ATG2A: variants seen among roughly 807,000 people sequenced by gnomAD.
The protein encoded by ATG2A is autophagy-related protein 2 homolog A.
In ATG2A, 103 loss-of-function variants were observed where a neutral mutation model predicts 214.2. That is an observed-to-expected ratio of 0.48 (90% CI 0.41 to 0.57). ATG2A has a LOEUF of 0.57. Ranked by LOEUF, ATG2A falls within the 20% of genes least tolerant of loss-of-function variation. The pLI is 0.00. For missense variants in ATG2A, 2,312 were observed against 2,613.2 expected (o/e 0.88, Z 2.51); for synonymous variants, 1,160 against 1,142.1 (o/e 1.02, Z -0.32).
chr11:64,904,816 T>TTATTTTATCTATCTATCTATCTATC (rs774560438), intron 24 of ATG2A, among the ~76,000 whole-genome samples: 4 of 145,162 alleles, frequency 2.8e-5, no homozygotes, highest in South Asian at 2.1e-4. Context: ...TCTATATTTT[T>TTATTTTATCTATCTATCTATCTATC]TATCTATCTA....
Position 64,898,647 on chromosome 11 carries a change from G to T in ATG2A, c.4660C>A (p.His1554Asn), listed in dbSNP as rs1944243131. Residue 1554 changes from histidine to asparagine, a missense_variant, in exon 32 of 41, where the codon CAC becomes AAC. Coordinates refer to ENST00000377264, the MANE Select transcript of ATG2A (RefSeq NM_015104.3). The surrounding 1 kb of genome is among the most constrained non-coding windows in gnomAD (Gnocchi z 4.5). ...CAGGTCGCTCATACCATGTTAGAGTGGGCACGTCGCGGCATCCGCTCACTC... is the reference window on the plus strand; with the variant it reads ...CAGGTCGCTCATACCATGTTAGAGTTGGCACGTCGCGGCATCCGCTCACTC... ...HTSERMPRRA[H>N]SNMLTIKALH... 1.2e-6 allele frequency: 2 copies of T among 1,613,974 alleles called. No homozygotes were observed. Among genetic ancestry groups the T allele is most frequent in the Non-Finnish European group, 1.7e-6 (2 of 1,179,904 alleles).
chr11:64,916,879 C>A (rs1945009206), intron 1 of ATG2A, 86 bp downstream of exon 1: 3 of 1,551,640 alleles, frequency 1.9e-6, no homozygotes, highest in African/African-American at 1.4e-5. Flanking sequence ...GGTGCCTGAT[C>A]CCCCAGCCCG....
At chr11:64,912,289 CCCA>C in intron 7 of ATG2A, 35 bp downstream of exon 7, 3 of 1,045,364 alleles carry the variant, frequency 2.9e-6, no homozygotes, top group Non-Finnish European at 4.3e-6. Flanking sequence ...GGCTGGCCCT[CCCA>C]GCCACCCCAC....
At chr11:64,902,465 G>A (rs1944387280) in intron 27 of ATG2A, 51 bp downstream of exon 27, 1 of 1,531,176 alleles carries the variant, frequency 6.5e-7, no homozygotes, top group African/African-American at 1.4e-5. Context: ...CATGGCAGGG[G>A]AGGGGCCTGG....
At position 64,906,429 on chromosome 11, in the gene ATG2A, C is replaced by T. The variant is rs747266856; in HGVS notation, c.3088G>A (p.Glu1030Lys). The T allele has an allele frequency of 1.8e-5, 29 of 1,613,114 alleles. No homozygotes were observed. The highest frequency in any genetic ancestry group is 1.3e-4 in the South Asian group (12 of 91,084). Residue 1030 changes from glutamate (E) to lysine (K), a missense_variant, in exon 21 of 41, where the codon GAG becomes AAG. Glu to Lys is a moderately conservative substitution (Grantham distance 56). Coordinates refer to ENST00000377264, the MANE Select transcript of ATG2A (RefSeq NM_015104.3). The stretch of plus-strand genomic sequence containing the variant: ...CCCTTGCGGCCCGAGGCTCCCCGCT[C>T]GGTCACCCCTTCCTCCGATGGGTAG... ...TIYPSEEGVT[E>K]RGASGRKGQG...
In ATG2A at chr11:64,904,563, A is replaced by G. The variant is rs556050218; in HGVS notation, c.3465-903T>C. ...TGTCTCAAAAAAAAAAAATAAATAA[A>G]AAAGTCTTTATTTTAAGGGTAACAT... On this transcript the variant is annotated intron_variant, in intron 24 of 40. Coordinates refer to ENST00000377264, the MANE Select transcript of ATG2A (RefSeq NM_015104.3). Among the ~76,000 whole-genome samples the G allele has an allele frequency of 1.5e-4, 23 of 152,208 alleles. 1 individual carries two copies. In the South Asian group the frequency reaches 4.8e-3, roughly 32 times the overall value.
At chr11:64,905,526 G>A (rs778228538) in intron 24 of ATG2A, 37 bp downstream of exon 24, 20 of 1,583,338 alleles carry the variant, frequency 1.3e-5, no homozygotes, top group South Asian at 3.4e-5. Context: ...TCGGCCCGGC[G>A]AGGGTGGGAT....
At chr11:64,910,317 T>C (rs1944720655) in intron 12 of ATG2A, 122 bp from the exon 13 acceptor site, 9 of 1,384,556 alleles carry the variant, frequency 6.5e-6, no homozygotes, top group Non-Finnish European at 6.7e-6. Flanking sequence ...TAAGAAGGCC[T>C]GCCCCACCTT....
At position 64,906,399 on chromosome 11, in the gene ATG2A, C is replaced by G; in HGVS notation, c.3118G>C (p.Gly1040Arg). 1.2e-6 allele frequency: 2 copies of G among 1,613,322 alleles called. No individual in the cohort carries two copies. The highest frequency in any genetic ancestry group is 1.7e-6 in the Non-Finnish European group (2 of 1,179,992). ...GTGGACAACATGTGGGGTCCCCGGCCCTGGCCCTTGCGGCCCGAGGCTCCC... is the reference window on the plus strand; with the variant it reads ...GTGGACAACATGTGGGGTCCCCGGCGCTGGCCCTTGCGGCCCGAGGCTCCC... ...ERGASGRKGQ[G>R]RGPHMLSTAV... The change falls in exon 21 of 41, where the codon GGC becomes CGC. Residue 1040 changes from glycine (G) to arginine (R), a missense_variant. Physicochemically the swap from Gly to Arg is moderately radical, Grantham distance 125. Transcript: ENST00000377264.
At chr11:64,915,339 T>TA (rs1158184028) in intron 1 of ATG2A, among the ~76,000 whole-genome samples, 3 of 151,726 alleles carry the variant, frequency 2.0e-5, no homozygotes, top group East Asian at 3.9e-4. Context: ...GATCCAAGAA[T>TA]AAAAAAGCAC....
In ATG2A at chr11:64,913,982, C is replaced by A; in HGVS notation, c.488-59G>T. On this transcript the variant is annotated intron_variant, in intron 3 of 40. Transcript: ENST00000377264. This position sits in a 1 kb window ranked among gnomAD's most constrained non-coding sequence, Gnocchi z 4.3. ...GAGCAGCAAAGGGGAGGCAGAATTT[C>A]CCATCTGGGCACCAGGGTGGCCGTG... 6.3e-7 allele frequency: 1 copy of A among 1,588,458 alleles called. No individual in the cohort carries two copies. Among genetic ancestry groups the A allele is most frequent in the East Asian group, 2.3e-5 (1 of 42,958 alleles).
intron 1 of ATG2A, among the ~76,000 whole-genome samples, chr11:64,916,624 T>A (rs1944996228): frequency 6.6e-6 from 1 of 152,056 alleles, no homozygotes; most frequent in African/African-American, 2.4e-5. Context: ...GCTCAGTTCC[T>A]ACGCTCCCTC....
rs774903394 is a variant in ATG2A at position 64,901,919 on chromosome 11, A to G, written c.4119+43T>C. The G allele has an allele frequency of 4.4e-6, 7 of 1,599,784 alleles. No homozygotes were observed. The African/African-American group carries it at 5.3e-5, about 12-fold the overall frequency. On this transcript the variant is annotated intron_variant, in intron 29 of 40. Coordinates refer to ENST00000377264, the MANE Select transcript of ATG2A (RefSeq NM_015104.3). ...AGTGTTCCGTCCCCGCTCCAAACAC[A>G]CCTGCCTGGACGGCAAACTGGTCCA...
In ATG2A at chr11:64,903,301, G is replaced by A. The variant is rs764560650; in HGVS notation, c.3599C>T (p.Thr1200Ile). 4.3e-6 allele frequency: 7 copies of A among 1,613,858 alleles called. No homozygotes were observed. Among genetic ancestry groups the A allele is most frequent in the Non-Finnish European group, 5.9e-6 (7 of 1,179,998 alleles). ...AGCCTCACTCACCAGTTTGCCCTCG[G>A]TGCTCCCTTTCCAGGTTTTAATCAC... is the stretch of plus-strand genomic sequence containing the variant. Reference protein sequence around the residue: ...ELVIKTWKGSTEGKLSQPLFE... With the variant: ...ELVIKTWKGSIEGKLSQPLFE... The change falls in exon 26 of 41, where the codon ACC (threonine) becomes ATC (isoleucine). Residue 1200 changes from threonine to isoleucine, a missense_variant. Thr to Ile is a moderately conservative substitution (Grantham distance 89). Coordinates refer to ENST00000377264, the MANE Select transcript of ATG2A (RefSeq NM_015104.3). The surrounding 1 kb of genome is among the most constrained non-coding windows in gnomAD (Gnocchi z 4.2).
rs202080937 is a variant in ATG2A at position 64,898,657 on chromosome 11, C to T, written c.4650G>A (p.Pro1550=). The T allele has an allele frequency of 1.3e-5, 21 of 1,613,988 alleles. No individual in the cohort carries two copies. Among genetic ancestry groups the T allele is most frequent in the Middle Eastern group, 1.6e-4 (1 of 6,062 alleles). The change falls in exon 32 of 41, where the codon CCG becomes CCA. Residue 1550 remains proline (P), a synonymous_variant. Coordinates refer to ENST00000377264, the MANE Select transcript of ATG2A (RefSeq NM_015104.3). The surrounding 1 kb of genome is among the most constrained non-coding windows in gnomAD (Gnocchi z 4.5). ...ATACCATGTTAGAGTGGGCACGTCGCGGCATCCGCTCACTCGTGTGTAGGT... is the reference window on the plus strand; with the variant it reads ...ATACCATGTTAGAGTGGGCACGTCGTGGCATCCGCTCACTCGTGTGTAGGT... ...FLYLHTSERM[P]RRAHSNMLTI... is the part of the protein sequence containing the mutation.
At position 64,905,622 on chromosome 11, in the gene ATG2A, G is replaced by T. The variant is rs201371363; in HGVS notation, c.3405C>A (p.Thr1135=). The change falls in exon 24 of 41, where the codon ACC becomes ACA. Residue 1135 remains threonine, a synonymous_variant. Coordinates refer to ENST00000377264, the MANE Select transcript of ATG2A (RefSeq NM_015104.3). ...TGCTGGAGAGAGTGAAGGTCTCCGC[G>T]GTGATGAGGACACGCACTGGGAGGT... ...PLYLPVRVLI[T]AETFTLSSNI... 1 of 1,613,650 alleles carries T rather than the reference G, an allele frequency of 6.2e-7. No homozygotes were observed.
At chr11:64,916,220 C>T (rs1944978184) in intron 1 of ATG2A, among the ~76,000 whole-genome samples, 1 of 152,162 alleles carries the variant, frequency 6.6e-6, no homozygotes, top group Non-Finnish European at 1.5e-5. Context: ...CTAGCATCTC[C>T]CTTGGCCTCC....
At position 64,903,927 on chromosome 11, in the gene ATG2A, C is replaced by T. The variant is rs1944449587; in HGVS notation, c.3465-267G>A. 6.6e-6 allele frequency among the ~76,000 whole-genome samples: 1 copy of T among 152,234 alleles called. No homozygotes were observed. On this transcript the variant is annotated intron_variant, in intron 24 of 40. Transcript: ENST00000377264. This position sits in a 1 kb window ranked among gnomAD's most constrained non-coding sequence, Gnocchi z 4.2. ...GAAGGGGTGTCCATTTTTCTCCCTGCTGCATTTGTGGTTCTTCTAAAATAA... is the reference window on the plus strand; with the variant it reads ...GAAGGGGTGTCCATTTTTCTCCCTGTTGCATTTGTGGTTCTTCTAAAATAA...
In ATG2A at chr11:64,903,211, G is replaced by A. The variant is rs1400245020; in HGVS notation, c.3612+77C>T. 7.2e-7 allele frequency: 1 copy of A among 1,392,126 alleles called. No individual in the cohort carries two copies. The highest frequency in any genetic ancestry group is 1.0e-6 in the Non-Finnish European group (1 of 986,622). The allele number at this position is 1,392,126 out of a possible 1,614,324, so 86.2% of individuals were successfully genotyped here. A position where few individuals can be genotyped will look rare whatever the true frequency, so the allele number is the denominator to read the frequency against. On this transcript the variant is annotated intron_variant, in intron 26 of 40. Transcript: ENST00000377264. The surrounding 1 kb of genome is among the most constrained non-coding windows in gnomAD (Gnocchi z 4.2). Reference sequence around the variant, plus strand: ...GTGTCCGGAGCCCAGGCACGTGAGGGAGCAGCAGCCCCTGAAGACTCCCTT... The same window carrying A: ...GTGTCCGGAGCCCAGGCACGTGAGGAAGCAGCAGCCCCTGAAGACTCCCTT...
Sources: gnomAD v4.1 joint callset for allele counts (sites outside exome capture counted in the v4.1 genomes callset) on GRCh38, gnomAD v4.1.1 for gene constraint, Gnocchi (gnomAD v3.1) non-coding constraint, MANE v1.5 for transcripts, NCBI Gene and HGNC (gene_info 2026-07-23, HGNC 2026-07-21) for gene names.